SRGAP2C: variants seen among roughly 807,000 people sequenced by gnomAD.
The protein encoded by SRGAP2C is SLIT-ROBO Rho GTPase-activating protein 2C.
SRGAP2C carries 15 observed loss-of-function variants against 25.1 expected under a neutral mutation model. That is an observed-to-expected ratio of 0.60 (90% CI 0.40 to 0.92). The LOEUF is 0.92. Among genes scored for constraint, SRGAP2C ranks in the 40% least tolerant of loss-of-function variants. The pLI is 0.00. For synonymous variants in SRGAP2C, 44 were observed against 96.6 expected (o/e 0.46, Z 3.19); for missense variants, 144 against 264.4 (o/e 0.54, Z 3.16).
At chr1:121,385,654 G>T (rs1201442238) in intron 8 of SRGAP2C, among the ~76,000 whole-genome samples, 1 of 152,130 alleles carries the variant, frequency 6.6e-6, no homozygotes, top group East Asian at 1.9e-4. Context: ...CTATCCAGAT[G>T]TCTCTCTGCA....
At chr1:121,312,744 A>T (rs1657994925) in intron 3 of SRGAP2C, among the ~76,000 whole-genome samples, 2 of 43,638 alleles carry the variant, frequency 4.6e-5, no homozygotes, top group South Asian at 8.1e-4. Flanking sequence ...TTTGAGTGAG[A>T]TTCTTAATCC....
rs1457404013 is a variant in SRGAP2C, at chr1:121,268,799, AG to A, written c.68-16002del. Among the ~76,000 whole-genome samples, 3 of 101,930 alleles carry A rather than the reference AG, an allele frequency of 2.9e-5. No homozygotes were observed. In the Admixed American group the frequency reaches 3.3e-4, roughly 11 times the overall value. The allele number at this position is 101,930 out of a possible 152,430, so 66.9% of individuals were successfully genotyped here. On this transcript the variant is annotated intron_variant, in intron 2 of 9. Transcript: ENST00000367123. Reference sequence around the variant, plus strand: ...TTCAGGTTCGGGCATGTTAAGTTCTAGGTACCTGTTAGATGGCTATGAGGAA... The same window carrying A: ...TTCAGGTTCGGGCATGTTAAGTTCTAGTACCTGTTAGATGGCTATGAGGAA...
chr1:121,314,498 C>T (rs878858236), intron 3 of SRGAP2C, among the ~76,000 whole-genome samples: 15 of 152,252 alleles, frequency 9.9e-5, no homozygotes, highest in East Asian at 7.7e-4. Flanking sequence ...GGAGGAGAGG[C>T]GCTCTGCGTT....
intron 2 of SRGAP2C, among the ~76,000 whole-genome samples, chr1:121,229,721 CT>C (rs1464264634): frequency 8.3e-6 from 1 of 120,874 alleles, no homozygotes; most frequent in Non-Finnish European, 1.7e-5. Context: ...ATATTTGTCC[CT>C]GTATTTTAGA....
At position 121,295,243 on chromosome 1, in the gene SRGAP2C, T is replaced by C. The variant is rs1265344302; in HGVS notation, c.260+10248T>C. Among the ~76,000 whole-genome samples the C allele has an allele frequency of 2.8e-5, 4 of 144,846 alleles. No homozygotes were observed. In the East Asian group the frequency reaches 6.2e-4, roughly 23 times the overall value. On this transcript the variant is annotated intron_variant, in intron 3 of 9. Coordinates refer to ENST00000367123, the MANE Select transcript of SRGAP2C (RefSeq NM_001329984.2). ...TGGACAAAGGTAGATGAGTTTGTAT[T>C]GTGGAGGGCCTTGACTCTTGATTAG...
chr1:121,352,933 CA>C (rs1283029329), intron 4 of SRGAP2C, among the ~76,000 whole-genome samples: 1 of 142,374 alleles, frequency 7.0e-6, no homozygotes, highest in African/African-American at 2.6e-5. Flanking sequence ...ACTAAAAATA[CA>C]AAAAAATTAG....
intron 2 of SRGAP2C, among the ~76,000 whole-genome samples, chr1:121,264,562 G>A (rs1313646311): frequency 3.1e-5 from 4 of 131,118 alleles, no homozygotes; most frequent in South Asian, 2.6e-4. Flanking sequence ...CGATTATTTC[G>A]GTTCCTTGCA....
chr1:121,347,080 G>A (rs1384710357), intron 4 of SRGAP2C, among the ~76,000 whole-genome samples: 2 of 145,218 alleles, frequency 1.4e-5, no homozygotes, highest in African/African-American at 5.1e-5. Context: ...CAGGAATCAG[G>A]TAACCTGGTT....
At chr1:121,343,737 G>A (rs1191440451) in intron 4 of SRGAP2C, among the ~76,000 whole-genome samples, 1 of 142,340 alleles carries the variant, frequency 7.0e-6, no homozygotes, top group Non-Finnish European at 1.5e-5. Context: ...CAACCTGAGT[G>A]AAATAAGGAA....
intron 4 of SRGAP2C, among the ~76,000 whole-genome samples, chr1:121,346,895 C>T (rs1345437579): frequency 2.0e-5 from 3 of 151,866 alleles, no homozygotes; most frequent in African/African-American, 7.3e-5. Context: ...GTCTGAGTTC[C>T]CTGGGCCTGC....
chr1:121,317,020 G>T (rs1399481149), intron 3 of SRGAP2C, among the ~76,000 whole-genome samples: 80,889 of 135,812 alleles, frequency 0.6, 24,521 homozygotes, highest in East Asian at 0.78. Flanking sequence ...GCAGATTTTC[G>T]AAGTCAGCCA....
At chr1:121,314,885 G>C (rs1658060327) in intron 3 of SRGAP2C, 16 of 613,566 alleles carry the variant, frequency 2.6e-5, no homozygotes, top group African/African-American at 7.7e-5. Context: ...GCTGGGAGCT[G>C]TAGACCGGAG....
chr1:121,273,889 G>T (rs1428859990), intron 2 of SRGAP2C, among the ~76,000 whole-genome samples: 2 of 151,826 alleles, frequency 1.3e-5, no homozygotes, highest in East Asian at 1.9e-4. Context: ...CGCAGCAGGG[G>T]TAGAAGGCAA....
intron 4 of SRGAP2C, among the ~76,000 whole-genome samples, chr1:121,337,627 G>A (rs1553342620): frequency 1.5e-5 from 2 of 135,940 alleles, no homozygotes; most frequent in South Asian, 2.4e-4. Context: ...GCAAAACTCC[G>A]ACTCAAAAAA....
chr1:121,209,472 CA>C (rs1655197062), intron 2 of SRGAP2C, among the ~76,000 whole-genome samples: 1 of 148,642 alleles, frequency 6.7e-6, no homozygotes, highest in Non-Finnish European at 1.5e-5. Context: ...CAAAGCAAAA[CA>C]AAACACTTCA....
intron 2 of SRGAP2C, among the ~76,000 whole-genome samples, chr1:121,265,291 T>C (rs1291058416): frequency 9.8e-6 from 1 of 101,740 alleles, no homozygotes; most frequent in East Asian, 2.8e-4. Flanking sequence ...TTATAGACTA[T>C]TATAAAGCAA....
chr1:121,327,951 C>T (rs1213531003), intron 4 of SRGAP2C, among the ~76,000 whole-genome samples: 1 of 152,256 alleles, frequency 6.6e-6, no homozygotes, highest in Admixed American at 6.5e-5. Flanking sequence ...TCCATGGTGC[C>T]TTCCAAATTC....
chr1:121,355,475 G>A (rs1280960802), intron 4 of SRGAP2C, among the ~76,000 whole-genome samples: 1 of 86,800 alleles, frequency 1.2e-5, no homozygotes, highest in African/African-American at 4.5e-5. Flanking sequence ...CCGCCACTAC[G>A]CCCGGCTAAC....
At chr1:121,228,130 G>A (rs587722158) in intron 2 of SRGAP2C, among the ~76,000 whole-genome samples, 3 of 76,938 alleles carry the variant, frequency 3.9e-5, no homozygotes, top group South Asian at 3.1e-4. Context: ...GAAAGCCTCC[G>A]ACCCCACATC....
Sources: allele counts gnomAD v4.1 joint callset (sites outside exome capture counted in the v4.1 genomes callset), GRCh38; gene constraint gnomAD v4.1.1; transcripts MANE v1.5; gene names NCBI Gene and HGNC (gene_info 2026-07-23, HGNC 2026-07-21).